Variants in NDUFB9 observed in about 807,000 individuals in gnomAD.
The protein encoded by NDUFB9 is NADH dehydrogenase [ubiquinone] 1 beta subcomplex subunit 9.
Under a neutral mutation model 30.2 loss-of-function variants are expected in NDUFB9, and 24 were observed. The observed-to-expected ratio is 0.80, with a 90% CI of 0.58 to 1.12. The LOEUF (loss-of-function observed/expected upper bound fraction) is 1.12, where lower values mean the gene tolerates loss of function less well. Among genes scored for constraint, NDUFB9 ranks in the 50% most tolerant of loss-of-function variants. The probability of loss-of-function intolerance (pLI) is 0.00; values close to 1 mark genes in which losing one functional copy is unlikely to be tolerated. For missense variants in NDUFB9, 204 were observed against 226.0 expected (o/e 0.90, Z 0.62); for synonymous variants, 80 against 84.0 (o/e 0.95, Z 0.26).
At chr8:124,539,532 AC>A in intron 1 of NDUFB9, 1 of 540,046 alleles carries the variant, frequency 1.9e-6, no homozygotes, top group East Asian at 3.2e-5. Context: ...CGGACGCACG[AC>A]CAGCGCAGAG....
At chr8:124,540,252 T>C (rs1821892168) in intron 1 of NDUFB9, among the ~76,000 whole-genome samples, 3 of 152,022 alleles carry the variant, frequency 2.0e-5, no homozygotes, top group Admixed American at 2.0e-4. Flanking sequence ...TGTTAGTTTC[T>C]TCCTTGAGTT....
intron 1 of NDUFB9, among the ~76,000 whole-genome samples, chr8:124,541,081 G>A (rs946700620): frequency 1.3e-5 from 2 of 152,052 alleles, no homozygotes; most frequent in African/African-American, 4.8e-5. Flanking sequence ...CAGAAGAACC[G>A]CTTGAACCTG....
At chr8:124,542,664 A>G (rs548634355) in intron 1 of NDUFB9, among the ~76,000 whole-genome samples, 1 of 152,354 alleles carries the variant, frequency 6.6e-6, no homozygotes, top group East Asian at 1.9e-4. Flanking sequence ...GTTTCTGCCA[A>G]GTAACACCTT....
intron 2 of NDUFB9, among the ~76,000 whole-genome samples, chr8:124,545,913 G>A (rs946051600): frequency 6.6e-6 from 1 of 152,168 alleles, no homozygotes; most frequent in African/African-American, 2.4e-5. Context: ...CACAATCTCG[G>A]CTCACCGCAA....
intron 2 of NDUFB9, among the ~76,000 whole-genome samples, chr8:124,544,157 C>A (rs995457101): frequency 2.0e-5 from 3 of 152,202 alleles, no homozygotes; most frequent in East Asian, 3.8e-4. Flanking sequence ...CCACGACATT[C>A]CCTTAAGCCA....
At chr8:124,543,577 C>G (rs1822079675) in intron 2 of NDUFB9, among the ~76,000 whole-genome samples, 1 of 152,176 alleles carries the variant, frequency 6.6e-6, no homozygotes, top group Non-Finnish European at 1.5e-5. Flanking sequence ...GCAATTCTTG[C>G]AATATTTCAA....
chr8:124,549,015 C>T (rs1822248375), intron 3 of NDUFB9, among the ~76,000 whole-genome samples: 1 of 152,240 alleles, frequency 6.6e-6, no homozygotes, highest in African/African-American at 2.4e-5. Flanking sequence ...AGAAATGTCT[C>T]ACCGTTTAGA....
At chr8:124,541,036 G>A (rs928054256) in intron 1 of NDUFB9, among the ~76,000 whole-genome samples, 1 of 152,018 alleles carries the variant, frequency 6.6e-6, no homozygotes, top group Admixed American at 6.6e-5. Flanking sequence ...CGTGGTGGTG[G>A]GTGCCTGTAA....
intron 1 of NDUFB9, chr8:124,539,539 C>G (rs1319508851): frequency 1.9e-6 from 1 of 516,804 alleles, no homozygotes; most frequent in Non-Finnish European, 3.5e-6. Context: ...ACGACCAGCG[C>G]AGAGGGTCGC....
rs1383686545 is a variant in NDUFB9, at chr8:124,546,845, C to G, written c.295-155C>G. ...CCTTTATCTTTGCTTCCTACTTATC[C>G]TCTGCTGTTCCTTGCTTAGAGTTAG... On this transcript the variant is annotated intron_variant, in intron 2 of 3. Transcript: ENST00000276689. 9 of 714,846 alleles carry G rather than the reference C, an allele frequency of 1.3e-5. No individual in the cohort carries two copies. In the African/African-American group the frequency reaches 1.6e-4, roughly 12 times the overall value. The allele number at this position is 714,846 out of a possible 1,614,324, so 44.3% of individuals were successfully genotyped here. A position where few individuals can be genotyped will look rare whatever the true frequency, so the allele number is the denominator to read the frequency against.
At chr8:124,547,191 G>C in intron 3 of NDUFB9, 78 bp downstream of exon 3, 1 of 1,060,430 alleles carries the variant, frequency 9.4e-7, no homozygotes, top group Non-Finnish European at 1.5e-6. Context: ...CAGAGGTCCA[G>C]ATTCCAGCCA....
Position 124,543,251 on chromosome 8 carries a change from C to T in NDUFB9, c.266C>T (p.Thr89Ile), listed in dbSNP as rs774911600. Reference sequence around the variant, plus strand: ...ATCTTCCCTGACTCTCCTGGGGGCACCTCCTATGAGAGATACGATTGCTAC... The same window carrying T: ...ATCTTCCCTGACTCTCCTGGGGGCATCTCCTATGAGAGATACGATTGCTAC... ...PYIFPDSPGG[T>I]SYERYDCYKV... Residue 89 changes from threonine (T) to isoleucine (I), a missense_variant, in exon 2 of 4, where the codon ACC becomes ATC. By Grantham distance (89) the Thr-to-Ile change is moderately conservative (BLOSUM62 -1). Transcript: ENST00000276689. The T allele has an allele frequency of 6.2e-6, 10 of 1,613,994 alleles. No individual in the cohort carries two copies. The highest frequency in any genetic ancestry group is 3.3e-5 in the Admixed American group (2 of 60,006).
rs549747225 is a variant in NDUFB9, at chr8:124,540,668, A to G, written c.101+1381A>G. 2.0e-5 allele frequency among the ~76,000 whole-genome samples: 3 copies of G among 152,324 alleles called. No individual in the cohort carries two copies. In the East Asian group the frequency reaches 5.8e-4, roughly 29 times the overall value. On this transcript the variant is annotated intron_variant, in intron 1 of 3. Transcript: ENST00000276689. ...AGGAAAATGATATAAACTAGCTACTATGACAGTTATGGCTCAGCATTTTTT... is the reference window on the plus strand; with the variant it reads ...AGGAAAATGATATAAACTAGCTACTGTGACAGTTATGGCTCAGCATTTTTT...
At chr8:124,546,852 G>C in intron 2 of NDUFB9, 148 bp from the exon 3 acceptor site, 2 of 737,962 alleles carry the variant, frequency 2.7e-6, no homozygotes, top group Non-Finnish European at 4.9e-6. Context: ...ATCCTCTGCT[G>C]TTCCTTGCTT....
intron 2 of NDUFB9, chr8:124,546,723 T>C: frequency 1.9e-6 from 1 of 520,464 alleles, no homozygotes. Context: ...CTACTCTGGA[T>C]ATTTAGAGAA....
At chr8:124,542,052 A>G (rs919158868) in intron 1 of NDUFB9, among the ~76,000 whole-genome samples, 3 of 151,544 alleles carry the variant, frequency 2.0e-5, no homozygotes, top group Non-Finnish European at 2.9e-5. Context: ...AGTAGCTGGG[A>G]TTACAGGTGC....
chr8:124,544,907 A>G lies in NDUFB9; in HGVS notation c.294+1628A>G, dbSNP rs866220541. 7.2e-5 allele frequency among the ~76,000 whole-genome samples: 11 copies of G among 152,346 alleles called. No homozygotes were observed. The South Asian group carries it at 2.1e-3, about 29-fold the overall frequency. ...TTCACCATTCTAAATGCCATTGAGG[A>G]TATTTATGATTCATGGGAAGAGATC... is the stretch of plus-strand genomic sequence containing the variant. On this transcript the variant is annotated intron_variant, in intron 2 of 3. Transcript: ENST00000276689.
At chr8:124,549,050 C>A (rs1187346600) in intron 3 of NDUFB9, among the ~76,000 whole-genome samples, 1 of 152,214 alleles carries the variant, frequency 6.6e-6, no homozygotes, top group Non-Finnish European at 1.5e-5. Flanking sequence ...GCATGGTGAG[C>A]CGCAGGTGCA....
At chr8:124,549,118 C>T (rs1419536976) in intron 3 of NDUFB9, among the ~76,000 whole-genome samples, 2 of 152,218 alleles carry the variant, frequency 1.3e-5, no homozygotes, top group Non-Finnish European at 2.9e-5. Flanking sequence ...CATCCCATCA[C>T]TTCAACACTA....
Sources: allele counts gnomAD v4.1 joint callset (sites outside exome capture counted in the v4.1 genomes callset), GRCh38; gene constraint gnomAD v4.1.1; transcripts MANE v1.5; gene names NCBI Gene and HGNC (gene_info 2026-07-23, HGNC 2026-07-21).